The following SNX4 variants were observed in gnomAD, a reference collection of about 807,000 sequenced individuals.
SNX4 encodes sorting nexin-4.
A neutral mutation model predicts 70.8 loss-of-function variants in SNX4; 49 were observed. The observed-to-expected ratio is 0.69, with a 90% CI of 0.55 to 0.88. The LOEUF (loss-of-function observed/expected upper bound fraction) is 0.88. SNX4 is among the 40% of genes least tolerant of loss of function. The pLI is 0.00. For synonymous variants in SNX4, 206 were observed against 183.8 expected, an observed-to-expected ratio of 1.12 and a Z score of -0.98; for missense variants, 528 against 544.8, an observed-to-expected ratio of 0.97 and a Z score of 0.31.
intron 8 of SNX4, among the ~76,000 whole-genome samples, chr3:125,473,328 CA>C (rs1193476510): frequency 7.9e-5 from 12 of 152,158 alleles, no homozygotes; most frequent in Non-Finnish European, 1.3e-4. Flanking sequence ...ATCACTAGGA[CA>C]TAACATCATA....
rs77995706 is a variant in SNX4, at chr3:125,472,872, C to A, written c.789-3353G>T. On this transcript the variant is annotated intron_variant, in intron 8 of 13. Coordinates refer to ENST00000251775, the MANE Select transcript of SNX4 (RefSeq NM_003794.4). ...TCACCTCTCCCCTGCCTTAAGACAG[C>A]TCTGCACCTTCCCTATCTTCTCCCT... Among the ~76,000 whole-genome samples, 512 of 152,250 alleles carry A rather than the reference C, an allele frequency of 3.4e-3. 3 individuals are homozygous for A. The highest frequency in any genetic ancestry group is 0.023 in the East Asian group (117 of 5,182).
chr3:125,498,223 T>A, intron 2 of SNX4, 29 bp from the exon 3 acceptor site: 2 of 1,589,994 alleles, frequency 1.3e-6, no homozygotes, highest in Non-Finnish European at 1.7e-6. Flanking sequence ...ACACTTGTTA[T>A]TTTTTATAAA....
intron 1 of SNX4, among the ~76,000 whole-genome samples, chr3:125,514,034 A>AT (rs113030023): frequency 0.32 from 46,327 of 144,404 alleles, 7,540 homozygotes; most frequent in Admixed American, 0.45. Context: ...AGACTTCTGG[A>AT]TTTTTTTTTT....
intron 6 of SNX4, 58 bp downstream of exon 6, chr3:125,489,346 TTAAA>T (rs1934600654): frequency 8.0e-7 from 1 of 1,256,450 alleles, no homozygotes; most frequent in Non-Finnish European, 1.2e-6. Flanking sequence ...AAATGAAAAA[TTAAA>T]TAGATTGATA....
At chr3:125,457,621 A>G (rs563544904) in intron 10 of SNX4, among the ~76,000 whole-genome samples, 3 of 125,010 alleles carry the variant, frequency 2.4e-5, no homozygotes, top group African/African-American at 9.5e-5. Flanking sequence ...CTTGTTGCCC[A>G]GGCTGGAGTG....
intron 2 of SNX4, 93 bp downstream of exon 2, chr3:125,504,530 T>C: frequency 8.0e-7 from 1 of 1,251,952 alleles, no homozygotes; most frequent in Middle Eastern, 2.0e-4. Context: ...AAAAATAACC[T>C]TTAAAAAATT....
At chr3:125,495,250 T>TATATATATATATATATATATATA (rs1934757995) in intron 5 of SNX4, among the ~76,000 whole-genome samples, 1 of 38,164 alleles carries the variant, frequency 2.6e-5, no homozygotes, top group Non-Finnish European at 6.2e-5. Flanking sequence ...CATTCTCTCT[T>TATATATATATATATATATATATA]TATATATATA....
chr3:125,511,047 T>C (rs903873634), intron 1 of SNX4, among the ~76,000 whole-genome samples: 1 of 152,028 alleles, frequency 6.6e-6, no homozygotes, highest in Non-Finnish European at 1.5e-5. Context: ...GCCTCCCGAG[T>C]AGCTGGGATT....
intron 9 of SNX4, among the ~76,000 whole-genome samples, chr3:125,464,544 C>T (rs1933959813): frequency 7.1e-6 from 1 of 141,558 alleles, no homozygotes; most frequent in South Asian, 2.3e-4. Context: ...GAATTCTGTT[C>T]CATTGATCTA....
chr3:125,515,392 T>A (rs1452747735), intron 1 of SNX4, among the ~76,000 whole-genome samples: 1 of 151,436 alleles, frequency 6.6e-6, no homozygotes, highest in African/African-American at 2.4e-5. Context: ...TCGGGCATGG[T>A]GACTCACGCC....
chr3:125,520,182 T>G lies in SNX4; in HGVS notation c.-10A>C, dbSNP rs1428830900. ...GAGGTGCCTGCTCCATGGCTGCAGTTCGGCGCGGCGAACCCAGTGCGCCTG... is the reference window on the plus strand; with the variant it reads ...GAGGTGCCTGCTCCATGGCTGCAGTGCGGCGCGGCGAACCCAGTGCGCCTG... On this transcript the variant is annotated 5_prime_UTR_variant, in exon 1 of 14. Transcript: ENST00000251775. 1 of 1,231,456 alleles carries G rather than the reference T, an allele frequency of 8.1e-7. No homozygotes were observed. Among genetic ancestry groups the G allele is most frequent in the Non-Finnish European group, 1.0e-6 (1 of 976,800 alleles). 76.3% of individuals were successfully genotyped at this position (1,231,456 alleles called of 1,614,324 possible).
chr3:125,500,483 A>C (rs1477829998), intron 2 of SNX4, among the ~76,000 whole-genome samples: 1 of 152,062 alleles, frequency 6.6e-6, no homozygotes, highest in Non-Finnish European at 1.5e-5. Flanking sequence ...GCACATATCA[A>C]AAATATCCTG....
chr3:125,453,131 C>T (rs1933620477), intron 12 of SNX4, among the ~76,000 whole-genome samples: 1 of 152,182 alleles, frequency 6.6e-6, no homozygotes, highest in Non-Finnish European at 1.5e-5. Context: ...CAATTACATG[C>T]TAAGCCCTAT....
At chr3:125,496,628 T>G (rs1934800321) in intron 5 of SNX4, among the ~76,000 whole-genome samples, 1 of 152,130 alleles carries the variant, frequency 6.6e-6, no homozygotes, top group African/African-American at 2.4e-5. Flanking sequence ...AAGTTTGTAA[T>G]AACCTTTGTT....
At chr3:125,506,840 AAAAAAAAAAAAAAAAG>A (rs1486432546) in intron 1 of SNX4, among the ~76,000 whole-genome samples, 1 of 143,846 alleles carries the variant, frequency 7.0e-6, no homozygotes, top group Non-Finnish European at 1.5e-5. Context: ...AAAAAAAAAA[AAAAAAAAAAAAAAAAG>A]ATGTATGAAC....
rs1268487226 is a variant in SNX4, at chr3:125,451,338, G to C, written c.1272C>G (p.Ser424Arg). ...KNRDLKEALI[S>R]YAVMQISMCK... Reference sequence around the variant, plus strand: ...ACATACTGATCTGCATGACTGCATAGCTTATGAGGGCCTCCTTTAAGTCTC... The same window carrying C: ...ACATACTGATCTGCATGACTGCATACCTTATGAGGGCCTCCTTTAAGTCTC... The change falls in exon 13 of 14, where the codon AGC becomes AGG. Residue 424 changes from serine (S) to arginine (R), a missense_variant. Around this residue, in one of 3 missense-constraint regions of SNX4, gnomAD observed 159 missense variants for 172.6 expected, o/e 0.92. Coordinates refer to ENST00000251775, the MANE Select transcript of SNX4 (RefSeq NM_003794.4). 1 of 1,613,714 alleles carries C rather than the reference G, an allele frequency of 6.2e-7. No homozygotes were observed.
rs185030278 is a variant in SNX4, at chr3:125,461,755, G to A, written c.855-895C>T. ...TGGCTCACTGCAAGCTCTGCCTCCC[G>A]GGTTCACGCCATTCTCCTGCCTCAG... On this transcript the variant is annotated intron_variant, in intron 9 of 13. Transcript: ENST00000251775. Among the ~76,000 whole-genome samples the A allele has an allele frequency of 2.0e-4, 30 of 151,490 alleles. No homozygotes were observed. The East Asian group carries it at 5.6e-3, about 28-fold the overall frequency.
chr3:125,492,661 T>C (rs182278769), intron 5 of SNX4, among the ~76,000 whole-genome samples: 318 of 152,344 alleles, frequency 2.1e-3, no homozygotes, highest in Non-Finnish European at 2.0e-3. Flanking sequence ...TCTTATTTTT[T>C]ATTTAAATGC....
At chr3:125,465,219 T>A (rs564975597) in intron 9 of SNX4, among the ~76,000 whole-genome samples, 1 of 152,002 alleles carries the variant, frequency 6.6e-6, no homozygotes, top group South Asian at 2.1e-4. Flanking sequence ...ACTATCTTCA[T>A]AACTTAGCTT....
Sources: gnomAD v4.1 joint callset for allele counts (sites outside exome capture counted in the v4.1 genomes callset) on GRCh38, gnomAD v4.1.1 for gene constraint, gnomAD v4.1.1 regional missense constraint, MANE v1.5 for transcripts, NCBI Gene and HGNC (gene_info 2026-07-23, HGNC 2026-07-21) for gene names.